Variants in FHIT observed in about 807,000 individuals in gnomAD.
FHIT encodes the protein fragile histidine triad diadenosine triphosphatase.
Under a neutral mutation model 17.9 loss-of-function variants are expected in FHIT, and 19 were observed. That is an observed-to-expected ratio of 1.06 (90% CI 0.74 to 1.56). The LOEUF is 1.56. Ranked by LOEUF, FHIT falls within the 40% of genes most tolerant of loss-of-function variation. The pLI is 0.00. For missense variants in FHIT, 248 were observed against 189.2 expected (o/e 1.31, Z -1.82); for synonymous variants, 81 against 69.7 (o/e 1.16, Z -0.81).
rs78808261 is a variant in FHIT, at chr3:60,610,956, T to A, written c.-17-73977A>T. 5.4e-3 allele frequency among the ~76,000 whole-genome samples: 828 copies of A among 152,252 alleles called. 4 individuals carry two copies. The highest frequency in any genetic ancestry group is 0.019 in the African/African-American group (790 of 41,558). ...CCCTGAATGACATCAGGCCATGTACTCTTAAGCCTAAATTTCCTCATCTGT... is the reference window on the plus strand; with the variant it reads ...CCCTGAATGACATCAGGCCATGTACACTTAAGCCTAAATTTCCTCATCTGT... On this transcript the variant is annotated intron_variant, in intron 4 of 9. Transcript: ENST00000492590.
At chr3:60,788,791 C>T (rs1251328477) in intron 4 of FHIT, among the ~76,000 whole-genome samples, 17 of 151,924 alleles carry the variant, frequency 1.1e-4, no homozygotes, top group African/African-American at 4.1e-4. Flanking sequence ...TTTGTGGCCT[C>T]CTATCGTGTA....
At chr3:60,446,972 G>C (rs2031381813) in intron 5 of FHIT, among the ~76,000 whole-genome samples, 1 of 151,758 alleles carries the variant, frequency 6.6e-6, no homozygotes, top group South Asian at 2.1e-4. Flanking sequence ...CTGAATCCTG[G>C]CTGCTTTGGC....
chr3:61,046,499 T>G (rs2033794777), intron 2 of FHIT, among the ~76,000 whole-genome samples: 1 of 152,158 alleles, frequency 6.6e-6, no homozygotes. Context: ...CAATAATTCA[T>G]AGCCTAGCAA....
At chr3:61,146,420 G>A (rs563908444) in intron 2 of FHIT, among the ~76,000 whole-genome samples, 13 of 152,048 alleles carry the variant, frequency 8.5e-5, no homozygotes, top group African/African-American at 3.1e-4. Flanking sequence ...CTGACAAAAA[G>A]GAAAAGAACA....
intron 4 of FHIT, among the ~76,000 whole-genome samples, chr3:60,747,743 A>G (rs1433028916): frequency 6.6e-6 from 1 of 152,242 alleles, no homozygotes; most frequent in Admixed American, 6.5e-5. Context: ...AGTTGTTTTC[A>G]ACAACAACCC....
chr3:60,173,959 G>C (rs1274701641), intron 5 of FHIT, among the ~76,000 whole-genome samples: 2 of 126,054 alleles, frequency 1.6e-5, no homozygotes, highest in African/African-American at 5.9e-5. Flanking sequence ...CTGTCGCTAG[G>C]CTGGAGTGCA....
At chr3:60,271,236 CA>C (rs1005664469) in intron 5 of FHIT, among the ~76,000 whole-genome samples, 56 of 151,586 alleles carry the variant, frequency 3.7e-4, no homozygotes, top group African/African-American at 1.3e-3. Context: ...CCTGTCTCTC[CA>C]AAAAAAACTA....
At position 61,217,198 on chromosome 3, in the gene FHIT, T is replaced by C. The variant is rs144429162; in HGVS notation, c.-212-16533A>G. ...AGTAAGAATTTATTATCTCTCACGGTTTCTACGGATCAAGAATCCTGGCAG... is the reference window on the plus strand; with the variant it reads ...AGTAAGAATTTATTATCTCTCACGGCTTCTACGGATCAAGAATCCTGGCAG... On this transcript the variant is annotated intron_variant, in intron 1 of 9. Coordinates refer to ENST00000492590, the MANE Select transcript of FHIT (RefSeq NM_002012.4). Among the ~76,000 whole-genome samples, 104 of 152,078 alleles carry C rather than the reference T, an allele frequency of 6.8e-4. No homozygotes were observed. The Middle Eastern group carries it at 0.01, about 15-fold the overall frequency.
At position 60,543,811 on chromosome 3, in the gene FHIT, C is replaced by G. The variant is rs139620939; in HGVS notation, c.-17-6832G>C. Reference sequence around the variant, plus strand: ...CCAGGCTGGAGTGCAGCGGCGCAATCTCGGCTCACTGTAAGCTCCGCTTCC... The same window carrying G: ...CCAGGCTGGAGTGCAGCGGCGCAATGTCGGCTCACTGTAAGCTCCGCTTCC... On this transcript the variant is annotated intron_variant, in intron 4 of 9. Coordinates refer to ENST00000492590, the MANE Select transcript of FHIT (RefSeq NM_002012.4). Among the ~76,000 whole-genome samples the G allele has an allele frequency of 3.4e-4, 51 of 151,258 alleles. No homozygotes were observed. In the East Asian group the frequency reaches 4.9e-3, roughly 15 times the overall value.
chr3:59,896,594 T>C (rs985153271), intron 8 of FHIT, among the ~76,000 whole-genome samples: 4 of 152,174 alleles, frequency 2.6e-5, no homozygotes, highest in African/African-American at 7.2e-5. Flanking sequence ...TTTTTAAATC[T>C]GTTACAAGCA....
At chr3:60,522,764 T>C (rs1305471380) in intron 5 of FHIT, among the ~76,000 whole-genome samples, 5 of 152,212 alleles carry the variant, frequency 3.3e-5, no homozygotes, top group Admixed American at 2.0e-4. Context: ...TTTCTGCATT[T>C]TTCTGAACAA....
At chr3:60,601,720 C>G (rs1441713089) in intron 4 of FHIT, among the ~76,000 whole-genome samples, 1 of 151,980 alleles carries the variant, frequency 6.6e-6, no homozygotes, top group African/African-American at 2.4e-5. Flanking sequence ...AAGAACTCAG[C>G]TGGAAGAAAA....
chr3:61,170,562 C>A (rs1297187775), intron 2 of FHIT, among the ~76,000 whole-genome samples: 1 of 152,058 alleles, frequency 6.6e-6, no homozygotes, highest in African/African-American at 2.4e-5. Context: ...GTGTGTTGTT[C>A]CCCTCTATGT....
intron 3 of FHIT, among the ~76,000 whole-genome samples, chr3:60,840,037 C>T (rs1210212876): frequency 6.6e-6 from 1 of 151,910 alleles, no homozygotes; most frequent in African/African-American, 2.4e-5. Context: ...CCTTCAGCTC[C>T]GTGAGGAGCT....
intron 4 of FHIT, among the ~76,000 whole-genome samples, chr3:60,603,806 C>T (rs2038520965): frequency 6.6e-6 from 1 of 152,040 alleles, no homozygotes; most frequent in Admixed American, 6.6e-5. Context: ...AAGGCAATAA[C>T]ACTATAAGGC....
At chr3:59,809,517 C>T (rs754815053) in intron 8 of FHIT, among the ~76,000 whole-genome samples, 5 of 152,182 alleles carry the variant, frequency 3.3e-5, no homozygotes, top group Non-Finnish European at 7.3e-5. Context: ...AGGAAGCTAA[C>T]ATAATACACT....
At chr3:60,460,184 C>A (rs1317839175) in intron 5 of FHIT, among the ~76,000 whole-genome samples, 1 of 152,140 alleles carries the variant, frequency 6.6e-6, no homozygotes, top group Non-Finnish European at 1.5e-5. Flanking sequence ...TCCTCACTTA[C>A]CTTTCGGGGG....
chr3:61,173,681 G>C (rs1012090378), intron 2 of FHIT, among the ~76,000 whole-genome samples: 8 of 152,184 alleles, frequency 5.3e-5, no homozygotes, highest in Non-Finnish European at 1.5e-5. Flanking sequence ...TAAAGAGACT[G>C]TTAGGTTATA....
At chr3:60,541,140 T>C (rs985869108) in intron 4 of FHIT, among the ~76,000 whole-genome samples, 40 of 152,332 alleles carry the variant, frequency 2.6e-4, no homozygotes, top group African/African-American at 9.6e-4. Flanking sequence ...TGCTTGAATA[T>C]GTCCAGTGAT....
Sources: allele counts gnomAD v4.1 joint callset (sites outside exome capture counted in the v4.1 genomes callset), GRCh38; gene constraint gnomAD v4.1.1; transcripts MANE v1.5; gene names NCBI Gene and HGNC (gene_info 2026-07-23, HGNC 2026-07-21).